LPA: variants seen among roughly 807,000 people sequenced by gnomAD.
LPA encodes the protein lipoprotein(a).
In LPA, 199 loss-of-function variants were observed where a neutral mutation model predicts 197.9. That is an observed-to-expected ratio of 1.01 (90% CI 0.90 to 1.13). LPA has a LOEUF of 1.13. LPA is among the 50% of genes most tolerant of loss of function. The probability of loss-of-function intolerance (pLI) is 0.00; values close to 1 mark genes in which losing one functional copy is unlikely to be tolerated. For synonymous variants in LPA, 715 were observed against 639.5 expected, an observed-to-expected ratio of 1.12 and a Z score of -1.78; for missense variants, 1,853 against 1,785.8, an observed-to-expected ratio of 1.04 and a Z score of -0.68.
Position 160,651,822 on chromosome 6 carries a change from T to C in LPA, c.50-1325A>G, listed in dbSNP as rs573101906. Among the ~76,000 whole-genome samples the C allele has an allele frequency of 9.2e-5, 14 of 152,216 alleles. No homozygotes were observed. In the South Asian group the frequency reaches 2.9e-3, roughly 32 times the overall value. On this transcript the variant is annotated intron_variant, in intron 1 of 38. Transcript: ENST00000316300. ...AATATCCATGGATAGGGGGAGAATT[T>C]CAGCAAAGAGATGGAAACTATAGAA... is the stretch of plus-strand genomic sequence containing the variant.
In LPA at chr6:160,605,086, G is replaced by T; in HGVS notation, c.2905C>A (p.Pro969Thr). 3.7e-6 allele frequency: 6 copies of T among 1,613,890 alleles called. No homozygotes were observed. The highest frequency in any genetic ancestry group is 2.2e-5 in the South Asian group (2 of 91,080). ...GCTGGGGTCCGACTATGCGAGTGTG[G>T]TGTCATAGATGACCAAGCTTGGCAG... ...RTCQAWSSMT[P>T]HSHSRTPAYY... The change falls in exon 18 of 39, where the codon CCA (proline) becomes ACA (threonine). Residue 969 changes from proline (P) to threonine (T), a missense_variant. Transcript: ENST00000316300.
chr6:160,590,498 C>A (rs1469180227), intron 23 of LPA, among the ~76,000 whole-genome samples: 1 of 152,078 alleles, frequency 6.6e-6, no homozygotes, highest in Admixed American at 6.6e-5. Context: ...TAAGTAAAGT[C>A]ATATCAGGTT....
intron 2 of LPA, among the ~76,000 whole-genome samples, chr6:160,646,775 T>G (rs1779888262): frequency 6.8e-6 from 1 of 146,196 alleles, no homozygotes; most frequent in African/African-American, 2.6e-5. Flanking sequence ...TGTATTCACA[T>G]GCAAATGCAT....
At chr6:160,604,239 C>G (rs1053922281) in intron 18 of LPA, among the ~76,000 whole-genome samples, 3 of 152,184 alleles carry the variant, frequency 2.0e-5, no homozygotes, top group Non-Finnish European at 4.4e-5. Context: ...TACAGTCCAT[C>G]TGGGCTCCAT....
chr6:160,542,104 C>A (rs988660747), intron 34 of LPA, among the ~76,000 whole-genome samples: 2 of 152,152 alleles, frequency 1.3e-5, no homozygotes, highest in Non-Finnish European at 2.9e-5. Flanking sequence ...ACTGAACTTA[C>A]GAATTGCATG....
rs1290921000 is a variant in LPA, at chr6:160,532,575, A to C, written c.5917T>G (p.Tyr1973Asp). 1 of 1,613,196 alleles carries C rather than the reference A, an allele frequency of 6.2e-7. No homozygotes were observed. Among genetic ancestry groups the C allele is most frequent in the Non-Finnish European group, 8.5e-7 (1 of 1,179,406 alleles). Residue 1973 changes from tyrosine to aspartate, a missense_variant, in exon 38 of 39, where the codon TAT becomes GAT. By Grantham distance (160) the Tyr-to-Asp change is radical (BLOSUM62 -3). Transcript: ENST00000316300. ...IENEVCNHYK[Y>D]ICAEHLARGT... ...CTGGCCAAATGCTCAGCACAAATAT[A>C]CTTATAGTGATTGCACACTTCATTC... is the stretch of plus-strand genomic sequence containing the variant.
chr6:160,611,099 T>C (rs1054785742), intron 16 of LPA, among the ~76,000 whole-genome samples: 1 of 152,124 alleles, frequency 6.6e-6, no homozygotes, highest in African/African-American at 2.4e-5. Flanking sequence ...TTTCTCCCTA[T>C]TGGAATACAG....
chr6:160,570,033 G>T (rs1424666383), intron 28 of LPA, among the ~76,000 whole-genome samples: 2 of 152,182 alleles, frequency 1.3e-5, no homozygotes, highest in Admixed American at 6.5e-5. Context: ...TTACACTGGT[G>T]GTGGGACTGT....
intron 1 of LPA, among the ~76,000 whole-genome samples, chr6:160,654,610 T>C (rs1162267265): frequency 6.6e-6 from 1 of 152,128 alleles, no homozygotes; most frequent in East Asian, 1.9e-4. Context: ...CCTAATATAA[T>C]ACAACTATCC....
At chr6:160,651,152 C>A (rs1007414435) in intron 1 of LPA, among the ~76,000 whole-genome samples, 1 of 152,166 alleles carries the variant, frequency 6.6e-6, no homozygotes, top group African/African-American at 2.4e-5. Flanking sequence ...AAATAAGGCA[C>A]AAGAATACTG....
At chr6:160,647,876 T>C (rs192481156) in intron 2 of LPA, among the ~76,000 whole-genome samples, 6 of 152,244 alleles carry the variant, frequency 3.9e-5, no homozygotes, top group Admixed American at 3.3e-4. Flanking sequence ...CAAGAAAACA[T>C]GTAGCATTTT....
chr6:160,558,556 G>A (rs1778308223), intron 28 of LPA, among the ~76,000 whole-genome samples: 1 of 152,116 alleles, frequency 6.6e-6, no homozygotes, highest in African/African-American at 2.4e-5. Flanking sequence ...TGGGTTCCTG[G>A]GCAGGACCAC....
chr6:160,585,342 G>A, intron 25 of LPA, 137 bp from the exon 26 acceptor site: 2 of 822,908 alleles, frequency 2.4e-6, no homozygotes, highest in East Asian at 2.5e-5. Flanking sequence ...TTGAAATGTA[G>A]AATAAAAATA....
chr6:160,532,060 T>A (rs1393425763), intron 38 of LPA, among the ~76,000 whole-genome samples, 170 bp from the exon 39 acceptor site: 3 of 152,234 alleles, frequency 2.0e-5, no homozygotes, highest in Non-Finnish European at 2.9e-5. Context: ...TAGCAAAGTC[T>A]ATTCAACAAA....
intron 35 of LPA, among the ~76,000 whole-genome samples, chr6:160,540,869 T>G (rs867584998): frequency 2.4e-4 from 36 of 152,348 alleles, no homozygotes; most frequent in South Asian, 4.1e-4. Context: ...TCACTTGCAC[T>G]GGGTCTTCCC....
rs1779021569 is a variant in LPA at position 160,591,101 on chromosome 6, A to G, written c.3630T>C (p.Gly1210=). The G allele has an allele frequency of 1.2e-6, 2 of 1,613,302 alleles. No individual in the cohort carries two copies. Among genetic ancestry groups the G allele is most frequent in the Non-Finnish European group, 1.7e-6 (2 of 1,179,870 alleles). ...HQRTTEYYPN[G]GLTRNYCRNP... is the part of the protein sequence containing the mutation. ...TCCTGCAGTAGTTCCTGGTCAGGCCACTGCAAATTACAAAACAATACAGTT... is the reference window on the plus strand; with the variant it reads ...TCCTGCAGTAGTTCCTGGTCAGGCCGCTGCAAATTACAAAACAATACAGTT... The change falls in exon 23 of 39, where the codon GGT becomes GGC. Residue 1210 remains glycine, a splice_region_variant and synonymous_variant. Transcript: ENST00000316300.
chr6:160,647,144 T>G (rs6933576), intron 2 of LPA, among the ~76,000 whole-genome samples: 60,873 of 151,954 alleles, frequency 0.4, 12,520 homozygotes, highest in African/African-American at 0.49. Context: ...TCCTCTGCTG[T>G]CCACAGCCAC....
chr6:160,594,020 A>C lies in LPA; in HGVS notation c.3567T>G (p.Cys1189Trp), dbSNP rs1311777571. The change falls in exon 22 of 39, where the codon TGT becomes TGG. Residue 1189 changes from cysteine (C) to tryptophan (W), a missense_variant. By Grantham distance (215) the Cys-to-Trp change is radical. Around this residue, in one of 3 missense-constraint regions of LPA, gnomAD observed 1,737 missense variants for 1,504.4 expected, o/e 1.15. Coordinates refer to ENST00000316300, the MANE Select transcript of LPA (RefSeq NM_005577.4). Reference protein sequence around the residue: ...SFSTTVTGRTCQSWSSMTPHW... With the variant: ...SFSTTVTGRTWQSWSSMTPHW... ...GTGGTGTCATAGAGGACCAAGACTGACATGTCCTTCCTGTGACAGTGGTAG... is the reference window on the plus strand; with the variant it reads ...GTGGTGTCATAGAGGACCAAGACTGCCATGTCCTTCCTGTGACAGTGGTAG... 1.2e-6 allele frequency: 2 copies of C among 1,613,860 alleles called. No homozygotes were observed. The highest frequency in any genetic ancestry group is 1.7e-6 in the Non-Finnish European group (2 of 1,179,880).
In LPA at chr6:160,658,079, G is replaced by C. The variant is rs185287047; in HGVS notation, c.49+6087C>G. Among the ~76,000 whole-genome samples the C allele has an allele frequency of 2.4e-3, 360 of 152,234 alleles. 1 individual carries two copies. The highest frequency in any genetic ancestry group is 7.6e-3 in the African/African-American group (316 of 41,538). On this transcript the variant is annotated intron_variant, in intron 1 of 38. Coordinates refer to ENST00000316300, the MANE Select transcript of LPA (RefSeq NM_005577.4). The stretch of plus-strand genomic sequence containing the variant: ...TCACTGTTGCCTCAAGCAGTGCAGG[G>C]TTTACATCCTCAGACAAAGGTGGAA...
Sources: allele counts gnomAD v4.1 joint callset (sites outside exome capture counted in the v4.1 genomes callset), GRCh38; gene constraint gnomAD v4.1.1; regional missense constraint gnomAD v4.1.1; transcripts MANE v1.5; gene names NCBI Gene and HGNC (gene_info 2026-07-23, HGNC 2026-07-21).